The following GUSB variants were observed in gnomAD, a reference collection of about 807,000 sequenced individuals.
GUSB encodes beta-glucuronidase.
A neutral mutation model predicts 74.6 loss-of-function variants in GUSB; 51 were observed. That is an observed-to-expected ratio of 0.68 (90% CI 0.55 to 0.86). The LOEUF (loss-of-function observed/expected upper bound fraction) is 0.86, where lower values mean the gene tolerates loss of function less well. Among genes scored for constraint, GUSB ranks in the 40% least tolerant of loss-of-function variants. The pLI, the probability that GUSB is intolerant of heterozygous loss-of-function variation, is 0.00. For synonymous variants in GUSB, 360 were observed against 348.3 expected (o/e 1.03, Z -0.37); for missense variants, 736 against 853.7 (o/e 0.86, Z 1.72).
chr7:65,967,980 C>G (rs1051326180), intron 9 of GUSB, 73 bp from the exon 10 acceptor site: 2 of 1,270,968 alleles, frequency 1.6e-6, no homozygotes, highest in African/African-American at 2.9e-5. Flanking sequence ...ACTGCGGGGG[C>G]TCCTCTGGCA....
chr7:65,976,245 C>T (rs991304689), intron 4 of GUSB, 43 bp from the exon 5 acceptor site: 3 of 1,445,082 alleles, frequency 2.1e-6, no homozygotes, highest in Admixed American at 3.3e-5. Flanking sequence ...AGGGACACGA[C>T]CTGAGTCACA....
intron 1 of GUSB, 141 bp downstream of exon 1, chr7:65,981,833 G>A (rs1792046742): frequency 4.3e-6 from 3 of 704,096 alleles, no homozygotes; most frequent in African/African-American, 3.7e-5. Flanking sequence ...CCAAGCCGGC[G>A]CCCCCAAGCC....
chr7:65,963,347 T>G (rs1562669153), intron 11 of GUSB, among the ~76,000 whole-genome samples: 1 of 152,174 alleles, frequency 6.6e-6, no homozygotes. Context: ...CTCTTACGCT[T>G]TACCTTTCAA....
In GUSB at chr7:65,974,440, G is replaced by T; in HGVS notation, c.1246C>A (p.Gln416Lys). The change falls in exon 8 of 12, where the codon CAG (glutamine) becomes AAG (lysine). Residue 416 changes from glutamine to lysine, a missense_variant and splice_region_variant. Around this residue, in one of 2 missense-constraint regions of GUSB, gnomAD observed 368 missense variants for 489.9 expected, o/e 0.75. Transcript: ENST00000304895. ...ECPGVGLALP[Q>K]FFNNVSLHHH... The stretch of plus-strand genomic sequence containing the variant: ...TGCAGAGAAACGTTGTTGAAGAACT[G>T]CCTGCGGGCCAGGAGGGAAGGGACA... The T allele has an allele frequency of 6.2e-7, 1 of 1,614,190 alleles. No individual in the cohort carries two copies. Among genetic ancestry groups the T allele is most frequent in the Non-Finnish European group, 8.5e-7 (1 of 1,180,040 alleles).
intron 11 of GUSB, chr7:65,964,050 C>G (rs146479736): frequency 9.0e-4 from 424 of 469,934 alleles, no homozygotes; most frequent in African/African-American, 7.8e-3. Flanking sequence ...ACAAAATAGA[C>G]AAGGAAAAGG....
intron 1 of GUSB, 137 bp downstream of exon 1, chr7:65,981,837 C>G: frequency 1.3e-6 from 1 of 769,992 alleles, no homozygotes; most frequent in Non-Finnish European, 2.0e-6. Flanking sequence ...GCCGGCGCCC[C>G]CAAGCCCGTT....
At chr7:65,975,848 CAAAAAAA>C (rs112120049) in intron 5 of GUSB, 160 bp downstream of exon 5, 41 of 437,128 alleles carry the variant, frequency 9.4e-5, no homozygotes, top group Middle Eastern at 4.2e-4. Context: ...GAGACCATCT[CAAAAAAA>C]AAAAAAAAAA....
At chr7:65,963,555 TTG>T in intron 11 of GUSB, among the ~76,000 whole-genome samples, 1 of 152,154 alleles carries the variant, frequency 6.6e-6, no homozygotes, top group Non-Finnish European at 1.5e-5. Flanking sequence ...AAGACCAATC[TTG>T]TGTTTTAAAG....
chr7:65,977,279 C>G (rs1305475043), intron 4 of GUSB, among the ~76,000 whole-genome samples: 1 of 152,058 alleles, frequency 6.6e-6, no homozygotes, highest in Non-Finnish European at 1.5e-5. Context: ...CGGGTTCAAA[C>G]AATTCTCCCA....
chr7:65,974,815 T>C, intron 6 of GUSB, 104 bp downstream of exon 6: 1 of 1,546,806 alleles, frequency 6.5e-7, no homozygotes, highest in East Asian at 2.2e-5. Flanking sequence ...TTGGAGCCAT[T>C]TGCCTCATTG....
chr7:65,979,810 G>A lies in GUSB; in HGVS notation c.498C>T (p.Leu166=), dbSNP rs773134072. The change falls in exon 3 of 12, where the codon CTC becomes CTT. Residue 166 remains leucine, a synonymous_variant. Transcript: ENST00000304895. ...TGTTGTTGATGGCGATAGTGATTCG[G>A]AGCCGGGAGGGCAGGGGCCCCACCT... is the stretch of plus-strand genomic sequence containing the variant. The part of the protein sequence containing the change: ...LVQVGPLPSR[L]RITIAINNTL... 1.2e-6 allele frequency: 2 copies of A among 1,613,802 alleles called. No individual in the cohort carries two copies. Among genetic ancestry groups the A allele is most frequent in the Non-Finnish European group, 1.7e-6 (2 of 1,179,994 alleles).
rs1186351312 is a variant in GUSB, at chr7:65,970,477, C to G, written c.1392-111G>C. 4.3e-6 allele frequency: 3 copies of G among 705,650 alleles called. No individual in the cohort carries two copies. In the Admixed American group the frequency reaches 6.1e-5, roughly 14 times the overall value. The allele number at this position is 705,650 out of a possible 1,614,324, so 43.7% of individuals were successfully genotyped here. On this transcript the variant is annotated intron_variant, in intron 8 of 11. Coordinates refer to ENST00000304895, the MANE Select transcript of GUSB (RefSeq NM_000181.4). Reference sequence around the variant, plus strand: ...CGCCAGAACACAACACGGGGCCAGGCACGATGGTTCACACCTGTAATCCCA... The same window carrying G: ...CGCCAGAACACAACACGGGGCCAGGGACGATGGTTCACACCTGTAATCCCA...
At chr7:65,971,300 C>T (rs1041063396) in intron 8 of GUSB, among the ~76,000 whole-genome samples, 5 of 152,198 alleles carry the variant, frequency 3.3e-5, no homozygotes, top group Non-Finnish European at 5.9e-5. Context: ...GGAGTGGAGA[C>T]GCATGCAGAG....
intron 4 of GUSB, 122 bp downstream of exon 4, chr7:65,979,277 G>A: frequency 9.9e-7 from 1 of 1,014,240 alleles, no homozygotes; most frequent in South Asian, 1.3e-5. Context: ...TTCATAGGTG[G>A]AAGGGAATCT....
chr7:65,979,372 T>TAA lies in GUSB; in HGVS notation c.724+26_724+27insTT, dbSNP rs139791587. 29,539 of 1,609,908 alleles carry TAA rather than the reference T, an allele frequency of 0.018. 333 individuals are homozygous for TAA. Among genetic ancestry groups the TAA allele is most frequent in the Non-Finnish European group, 0.022 (25,967 of 1,177,640 alleles). On this transcript the variant is annotated intron_variant, in intron 4 of 11. Transcript: ENST00000304895. ...CAAACAGAGCCACCCTGGGCCCCGC[T>TAA]GAGAGGATCCTACCAGAAGCCCTCA...
intron 1 of GUSB, chr7:65,980,664 C>T: frequency 1.9e-6 from 1 of 526,432 alleles, no homozygotes; most frequent in Non-Finnish European, 3.5e-6. Context: ...CCCAGGGCCA[C>T]ATCCCAGCCA....
At chr7:65,975,940 T>G (rs1378870349) in intron 5 of GUSB, 75 bp downstream of exon 5, 7 of 1,256,760 alleles carry the variant, frequency 5.6e-6, no homozygotes, top group Non-Finnish European at 8.0e-6. Context: ...CCACCTGTCT[T>G]GGGCTCCTGC....
intron 4 of GUSB, 88 bp from the exon 5 acceptor site, chr7:65,976,290 C>G (rs1418957785): frequency 1.3e-5 from 12 of 890,318 alleles, no homozygotes; most frequent in Non-Finnish European, 2.2e-5. Flanking sequence ...CGCTGCCAGG[C>G]AGCCATTTGT....
chr7:65,981,482 C>T (rs543096263), intron 1 of GUSB, among the ~76,000 whole-genome samples: 170 of 152,076 alleles, frequency 1.1e-3, no homozygotes, highest in Middle Eastern at 0.01. Flanking sequence ...GGCGATTCGC[C>T]CGCCTCCACC....
Sources: gnomAD v4.1 joint callset for allele counts (sites outside exome capture counted in the v4.1 genomes callset) on GRCh38, gnomAD v4.1.1 for gene constraint, gnomAD v4.1.1 regional missense constraint, MANE v1.5 for transcripts, NCBI Gene and HGNC (gene_info 2026-07-23, HGNC 2026-07-21) for gene names.